CREB5: variants seen among roughly 807,000 people sequenced by gnomAD.
CREB5 encodes cAMP responsive element binding protein 5.
Under a neutral mutation model 57.1 loss-of-function variants are expected in CREB5, and 19 were observed. The ratio of observed to expected loss-of-function variants is 0.33; its 90% CI spans 0.23 to 0.49. The LOEUF is 0.49. CREB5 is among the 20% of genes least tolerant of loss of function. The pLI is 0.99. For synonymous variants in CREB5, 238 were observed against 238.3 expected (o/e 1.00, Z 0.01); for missense variants, 579 against 671.6 (o/e 0.86, Z 1.52).
At chr7:28,306,546 G>GTTTTTTGTTTTTTTTTTTTT (rs1785187073) in intron 1 of CREB5, among the ~76,000 whole-genome samples, 2 of 93,494 alleles carry the variant, frequency 2.1e-5, no homozygotes, top group African/African-American at 5.0e-5. Context: ...ATACAGTTTT[G>GTTTTTTGTTTTTTTTTTTTT]TTTTTTTTGT....
At chr7:28,488,125 G>A (rs1791648622) in intron 1 of CREB5, 50 bp from the exon 2 acceptor site, 1 of 1,551,998 alleles carries the variant, frequency 6.4e-7, no homozygotes, top group African/African-American at 1.4e-5. Flanking sequence ...AGAAGCAGAA[G>A]ATATTCATGG....
At chr7:28,614,136 T>A (rs1797510460) in intron 5 of CREB5, among the ~76,000 whole-genome samples, 1 of 152,084 alleles carries the variant, frequency 6.6e-6, no homozygotes, top group Admixed American at 6.5e-5. Context: ...ATTTTTTGTA[T>A]GTTTATAAAG....
At chr7:28,768,937 A>G (rs566925523) in intron 7 of CREB5, among the ~76,000 whole-genome samples, 168 of 152,350 alleles carry the variant, frequency 1.1e-3, no homozygotes, top group Admixed American at 3.5e-3. Flanking sequence ...CCCCTCGGGC[A>G]AAGCAAGACC....
intron 5 of CREB5, chr7:28,686,256 T>C: frequency 7.3e-7 from 1 of 1,360,548 alleles, no homozygotes; most frequent in East Asian, 2.3e-5. Context: ...TTGCCCCTAC[T>C]GCCTTCTGTT....
intron 1 of CREB5, among the ~76,000 whole-genome samples, chr7:28,480,025 T>TCC (rs34368133): frequency 6.7e-6 from 1 of 149,192 alleles, no homozygotes; most frequent in African/African-American, 2.5e-5. Flanking sequence ...ATCCAAAACC[T>TCC]CCCCCCCCCC....
rs187725956 is a variant in CREB5, at chr7:28,398,421, A to G, written c.-24-96485A>G. On this transcript the variant is annotated intron_variant, in intron 1 of 9. Transcript: ENST00000396299. ...TAGCCTGCGGGTAGTTCTAACAACT[A>G]AGCAAGAAGGCCAGGATGTTGTGCT... 1.4e-3 allele frequency among the ~76,000 whole-genome samples: 208 copies of G among 152,280 alleles called. 2 individuals carry two copies. Among genetic ancestry groups the G allele is most frequent in the African/African-American group, 4.7e-3 (197 of 41,538 alleles).
intron 1 of CREB5, among the ~76,000 whole-genome samples, chr7:28,438,207 G>T (rs1251552741): frequency 1.3e-5 from 2 of 152,156 alleles, no homozygotes; most frequent in African/African-American, 4.8e-5. Flanking sequence ...TTTCTCTAGA[G>T]CTAGAGTTTA....
intron 5 of CREB5, among the ~76,000 whole-genome samples, chr7:28,613,707 A>T (rs1016604862): frequency 6.6e-6 from 1 of 152,202 alleles, no homozygotes; most frequent in Admixed American, 6.5e-5. Context: ...CTCGCCAACA[A>T]ACTCAGTAGG....
At chr7:28,450,430 T>C (rs1349320572) in intron 1 of CREB5, among the ~76,000 whole-genome samples, 1 of 152,246 alleles carries the variant, frequency 6.6e-6, no homozygotes, top group Admixed American at 6.5e-5. Context: ...GATGCTTGAC[T>C]CGCATATGAT....
intron 1 of CREB5, among the ~76,000 whole-genome samples, chr7:28,360,829 G>A (rs1786460442): frequency 6.6e-6 from 1 of 152,172 alleles, no homozygotes; most frequent in Admixed American, 6.5e-5. Context: ...TACTGGTCTG[G>A]GAGCAATCAT....
chr7:28,324,979 C>G (rs13231184), intron 1 of CREB5, among the ~76,000 whole-genome samples: 11,870 of 152,240 alleles, frequency 0.078, 530 homozygotes, highest in Admixed American at 0.12. Context: ...CAAGACTTGT[C>G]AACGCTTCTT....
chr7:28,335,843 G>A (rs935848710), intron 1 of CREB5, among the ~76,000 whole-genome samples: 1 of 151,912 alleles, frequency 6.6e-6, no homozygotes, highest in Non-Finnish European at 1.5e-5. Context: ...TGGGTCTGTT[G>A]TATATGGCTT....
chr7:28,328,453 G>A (rs948488987), intron 1 of CREB5, among the ~76,000 whole-genome samples: 2 of 152,176 alleles, frequency 1.3e-5, no homozygotes, highest in African/African-American at 4.8e-5. Context: ...TTCAAACAAG[G>A]TGTGTGAATG....
chr7:28,555,561 A>G (rs1794832339), intron 4 of CREB5, among the ~76,000 whole-genome samples: 1 of 152,234 alleles, frequency 6.6e-6, no homozygotes, highest in Non-Finnish European at 1.5e-5. Context: ...GTGTGAAAAG[A>G]CATCTATCTG....
intron 2 of CREB5, among the ~76,000 whole-genome samples, chr7:28,489,538 T>C (rs1372460848): frequency 6.6e-6 from 1 of 152,034 alleles, no homozygotes; most frequent in African/African-American, 2.4e-5. Context: ...CCTGACCTCA[T>C]GATCCGCCTG....
chr7:28,543,104 T>C (rs897466936), intron 4 of CREB5, among the ~76,000 whole-genome samples: 2 of 152,228 alleles, frequency 1.3e-5, no homozygotes, highest in Non-Finnish European at 2.9e-5. Flanking sequence ...TACTTGCTTT[T>C]CTCTCTCCTC....
intron 4 of CREB5, among the ~76,000 whole-genome samples, chr7:28,528,065 A>G (rs1025714870): frequency 3.3e-5 from 5 of 152,220 alleles, no homozygotes. Flanking sequence ...CCTTGCACAT[A>G]GAATATACTT....
At chr7:28,760,016 G>A (rs989548103) in intron 7 of CREB5, among the ~76,000 whole-genome samples, 4 of 152,194 alleles carry the variant, frequency 2.6e-5, no homozygotes, top group African/African-American at 9.6e-5. Flanking sequence ...CATGATGTCA[G>A]TTCTGATGCC....
At chr7:28,440,950 G>A (rs1353393723) in intron 1 of CREB5, among the ~76,000 whole-genome samples, 3 of 152,132 alleles carry the variant, frequency 2.0e-5, no homozygotes, top group Middle Eastern at 3.2e-3. Context: ...AATGACTTTT[G>A]TAAATGTTTT....
Sources: allele counts gnomAD v4.1 joint callset (sites outside exome capture counted in the v4.1 genomes callset), GRCh38; gene constraint gnomAD v4.1.1; transcripts MANE v1.5; gene names NCBI Gene and HGNC (gene_info 2026-07-23, HGNC 2026-07-21).